LINGO2: variants seen among roughly 807,000 people sequenced by gnomAD.
The protein encoded by LINGO2 is leucine-rich repeat and immunoglobulin-like domain-containing nogo receptor-interacting protein 2.
A neutral mutation model predicts 30.6 loss-of-function variants in LINGO2; 14 were observed. The ratio of observed to expected loss-of-function variants is 0.46; its 90% CI spans 0.30 to 0.72. The LOEUF (loss-of-function observed/expected upper bound fraction) is 0.72. Among genes scored for constraint, LINGO2 ranks in the 30% least tolerant of loss-of-function variants. The pLI is 0.07. For missense variants in LINGO2, 729 were observed against 751.7 expected (o/e 0.97, Z 0.35); for synonymous variants, 317 against 288.5 (o/e 1.10, Z -1.00).
At chr9:28,209,845 T>C (rs1820530133) in intron 4 of LINGO2, among the ~76,000 whole-genome samples, 1 of 151,816 alleles carries the variant, frequency 6.6e-6, no homozygotes, top group African/African-American at 2.4e-5. Flanking sequence ...ATTTATATTT[T>C]ATTTCAACAG....
chr9:28,542,260 T>C (rs1320871893), intron 1 of LINGO2, among the ~76,000 whole-genome samples: 1 of 151,272 alleles, frequency 6.6e-6, no homozygotes, highest in East Asian at 1.9e-4. Context: ...CCTCTATAGG[T>C]AAGGTAGATC....
chr9:28,171,467 T>C (rs556417766), intron 4 of LINGO2, among the ~76,000 whole-genome samples: 2 of 152,038 alleles, frequency 1.3e-5, no homozygotes, highest in South Asian at 2.1e-4. Flanking sequence ...TAAAACCCCA[T>C]CAAACTGGGG....
chr9:28,611,286 T>C (rs1299939734), intron 1 of LINGO2, among the ~76,000 whole-genome samples: 3 of 152,184 alleles, frequency 2.0e-5, no homozygotes, highest in Non-Finnish European at 2.9e-5. Flanking sequence ...GATATAGGTA[T>C]ACCCTGTGAA....
At chr9:28,457,697 C>T (rs1824907593) in intron 2 of LINGO2, among the ~76,000 whole-genome samples, 1 of 152,116 alleles carries the variant, frequency 6.6e-6, no homozygotes, top group Admixed American at 6.6e-5. Context: ...TCCCAAGTAG[C>T]TGGAATTATA....
At chr9:27,965,027 A>G (rs929051627) in intron 5 of LINGO2, among the ~76,000 whole-genome samples, 1 of 152,154 alleles carries the variant, frequency 6.6e-6, no homozygotes, top group Non-Finnish European at 1.5e-5. Context: ...CACAAGAAAC[A>G]AAAGAGGATA....
At chr9:29,212,211 C>T in the LINGO2 span, among the ~76,000 whole-genome samples, 3 of 152,056 alleles carry the variant, frequency 2.0e-5, no homozygotes, top group South Asian at 6.2e-4. Context: ...CGGTGCGGAG[C>T]TCGGAAGCGC....
At chr9:28,513,158 G>A (rs887838613) in intron 1 of LINGO2, among the ~76,000 whole-genome samples, 1 of 149,772 alleles carries the variant, frequency 6.7e-6, no homozygotes, top group East Asian at 2.0e-4. Context: ...AATGCCACAT[G>A]CAAACTTTGC....
chr9:29,048,733 A>G, the LINGO2 span, among the ~76,000 whole-genome samples: 1 of 152,202 alleles, frequency 6.6e-6, no homozygotes, highest in Admixed American at 6.5e-5. Flanking sequence ...ATTTTTCAAT[A>G]AATGGTGCTG....
At chr9:28,737,419 G>A in the LINGO2 span, among the ~76,000 whole-genome samples, 1 of 152,186 alleles carries the variant, frequency 6.6e-6, no homozygotes, top group African/African-American at 2.4e-5. Flanking sequence ...GTTGCTTTAA[G>A]CTACTAAGTC....
At chr9:29,111,944 T>TTC in the LINGO2 span, among the ~76,000 whole-genome samples, 1 of 150,334 alleles carries the variant, frequency 6.7e-6, no homozygotes, top group African/African-American at 2.4e-5. Flanking sequence ...TATAATGTAT[T>TTC]TAATCTTTTA....
At chr9:28,934,085 G>T in the LINGO2 span, among the ~76,000 whole-genome samples, 112,599 of 152,080 alleles carry the variant, frequency 0.74, 41,836 homozygotes, top group Non-Finnish European at 0.78. Context: ...CCAATGTAAC[G>T]ACTGGGGGAA....
the LINGO2 span, among the ~76,000 whole-genome samples, chr9:28,836,472 A>G: frequency 6.6e-6 from 1 of 151,474 alleles, no homozygotes; most frequent in Non-Finnish European, 1.5e-5. Context: ...GCACCACCAC[A>G]CCCAGCTAAT....
chr9:27,958,770 G>GC (rs949724486), intron 5 of LINGO2, among the ~76,000 whole-genome samples: 3 of 133,656 alleles, frequency 2.2e-5, no homozygotes, highest in African/African-American at 8.3e-5. Flanking sequence ...CTGTGGTTAA[G>GC]GGGGGACTAC....
chr9:29,154,886 A>C, the LINGO2 span, among the ~76,000 whole-genome samples: 17 of 152,174 alleles, frequency 1.1e-4, no homozygotes, highest in Admixed American at 9.2e-4. Flanking sequence ...TAGTACAAAA[A>C]TCCACATCTT....
chr9:28,611,496 G>A (rs1394120071), intron 1 of LINGO2, among the ~76,000 whole-genome samples: 1 of 152,002 alleles, frequency 6.6e-6, no homozygotes. Flanking sequence ...TACTCATCCT[G>A]CCTAACTGAA....
At chr9:27,978,673 T>C (rs1444805330) in intron 5 of LINGO2, among the ~76,000 whole-genome samples, 1 of 151,980 alleles carries the variant, frequency 6.6e-6, no homozygotes, top group South Asian at 2.1e-4. Context: ...ACCTAGTCTA[T>C]GGTATTCTGT....
At chr9:28,780,844 G>GTC in the LINGO2 span, among the ~76,000 whole-genome samples, 1 of 90,698 alleles carries the variant, frequency 1.1e-5, no homozygotes, top group Non-Finnish European at 2.5e-5. Context: ...GTGTGTGTGT[G>GTC]TGTGTGTGTG....
rs148949039 is a variant in LINGO2, at chr9:28,386,452, T to A, written c.-278-13584A>T. On this transcript the variant is annotated intron_variant, in intron 2 of 5. Transcript: ENST00000379992. ...CCAGTAGAAAAAACATTTTAAATAATGATGAAGAAAGATTAGAGAATATAT... is the reference window on the plus strand; with the variant it reads ...CCAGTAGAAAAAACATTTTAAATAAAGATGAAGAAAGATTAGAGAATATAT... 3.1e-3 allele frequency among the ~76,000 whole-genome samples: 467 copies of A among 152,216 alleles called. 3 individuals carry two copies. The highest frequency in any genetic ancestry group is 0.011 in the African/African-American group (448 of 41,528).
chr9:28,893,490 C>A, the LINGO2 span, among the ~76,000 whole-genome samples: 46 of 152,068 alleles, frequency 3.0e-4, no homozygotes, highest in Non-Finnish European at 5.9e-4. Context: ...TAAAACCCAA[C>A]AAATTGTCCA....
Sources: allele counts gnomAD v4.1 joint callset (sites outside exome capture counted in the v4.1 genomes callset), GRCh38; gene constraint gnomAD v4.1.1; transcripts MANE v1.5; gene names NCBI Gene and HGNC (gene_info 2026-07-23, HGNC 2026-07-21).